Variants in CALN1 observed in about 807,000 individuals in gnomAD.
CALN1 encodes the protein calneuron 1.
In CALN1, 17 loss-of-function variants were observed where a neutral mutation model predicts 30.6. The observed-to-expected ratio is 0.56, with a 90% CI of 0.38 to 0.83. CALN1 has a LOEUF of 0.83. Ranked by LOEUF, CALN1 falls within the 40% of genes least tolerant of loss-of-function variation. CALN1 has a pLI of 0.00. For synonymous variants in CALN1, 156 were observed against 131.4 expected (o/e 1.19, Z -1.28); for missense variants, 291 against 354.9 (o/e 0.82, Z 1.45).
intron 2 of CALN1, among the ~76,000 whole-genome samples, chr7:72,397,821 T>C (rs1202234805): frequency 3.3e-5 from 5 of 151,376 alleles, no homozygotes; most frequent in Admixed American, 2.6e-4. Flanking sequence ...AAAGCTTTTA[T>C]GAGCAAAACA....
In CALN1 at chr7:72,093,673, T is replaced by C. The variant is rs368253215; in HGVS notation, c.388+12478A>G. Among the ~76,000 whole-genome samples, 5 of 152,262 alleles carry C rather than the reference T, an allele frequency of 3.3e-5. No homozygotes were observed. The East Asian group carries it at 7.7e-4, about 24-fold the overall frequency. ...TGGGATGGCTGCTTCTGAACACCCT[T>C]GTAAGAACAAACAAGCTCAGACCTT... On this transcript the variant is annotated intron_variant, in intron 4 of 6. Coordinates refer to ENST00000395275, the MANE Select transcript of CALN1 (RefSeq NM_031468.4).
intron 5 of CALN1, among the ~76,000 whole-genome samples, chr7:72,017,448 C>T (rs528076438): frequency 1.3e-5 from 2 of 152,118 alleles, no homozygotes; most frequent in African/African-American, 2.4e-5. Context: ...AATTGGGGAA[C>T]GAGTACCCTA....
At chr7:72,177,519 C>T (rs1182423613) in intron 3 of CALN1, among the ~76,000 whole-genome samples, 1 of 152,080 alleles carries the variant, frequency 6.6e-6, no homozygotes, top group African/African-American at 2.4e-5. Flanking sequence ...AATCCCAGCA[C>T]TTGGGGAGGC....
chr7:71,991,619 G>A (rs1329010460), intron 5 of CALN1, among the ~76,000 whole-genome samples: 1 of 152,178 alleles, frequency 6.6e-6, no homozygotes, highest in Non-Finnish European at 1.5e-5. Context: ...GCACCAGGCA[G>A]GTTGTACAAA....
chr7:72,424,216 C>T (rs1375044507), intron 1 of CALN1, among the ~76,000 whole-genome samples: 9 of 152,046 alleles, frequency 5.9e-5, no homozygotes, highest in Non-Finnish European at 1.3e-4. Context: ...CTCAATGGAG[C>T]CCCCTTGTTT....
At chr7:72,203,979 CTTTTTTTTT>C (rs869149598) in intron 3 of CALN1, among the ~76,000 whole-genome samples, 5 of 83,808 alleles carry the variant, frequency 6.0e-5, no homozygotes, top group Admixed American at 1.5e-4. Flanking sequence ...AGGCCTCTCT[CTTTTTTTTT>C]TTTTTTTTTT....
intron 2 of CALN1, among the ~76,000 whole-genome samples, chr7:72,294,750 T>TAATA (rs58274123): frequency 0.44 from 64,746 of 147,392 alleles, 15,228 homozygotes; most frequent in South Asian, 0.59. Context: ...TCTAAAAAAG[T>TAATA]AATAAATAAA....
chr7:72,166,868 C>A (rs1256150693), intron 3 of CALN1, among the ~76,000 whole-genome samples: 1 of 152,056 alleles, frequency 6.6e-6, no homozygotes. Context: ...CATGGTGAAA[C>A]CCCATCTCTA....
chr7:72,301,335 G>A (rs556813408), intron 2 of CALN1, among the ~76,000 whole-genome samples: 3 of 151,938 alleles, frequency 2.0e-5, no homozygotes, highest in African/African-American at 7.2e-5. Context: ...AGGCCGGGCT[G>A]GGTGGCTCAC....
intron 3 of CALN1, among the ~76,000 whole-genome samples, chr7:72,199,489 C>T (rs540818422): frequency 5.9e-5 from 9 of 152,176 alleles, no homozygotes; most frequent in South Asian, 4.2e-4. Context: ...GGGCATTGCT[C>T]GAGACCAGGA....
intron 3 of CALN1, among the ~76,000 whole-genome samples, chr7:72,170,351 T>C (rs911551361): frequency 6.6e-6 from 1 of 152,166 alleles, no homozygotes; most frequent in African/African-American, 2.4e-5. Context: ...ATAACTCTGA[T>C]GCTACTTTAG....
intron 2 of CALN1, among the ~76,000 whole-genome samples, chr7:72,285,681 CCA>C (rs551197353): frequency 7.2e-5 from 11 of 152,280 alleles, no homozygotes; most frequent in Non-Finnish European, 1.6e-4. Flanking sequence ...TGGTAATGAA[CCA>C]CAGAGAAAGC....
chr7:72,281,791 A>C (rs1258423133), intron 2 of CALN1, among the ~76,000 whole-genome samples: 1 of 152,154 alleles, frequency 6.6e-6, no homozygotes, highest in Non-Finnish European at 1.5e-5. Flanking sequence ...TCACTACACA[A>C]ATTTTTACAG....
chr7:72,249,328 G>A (rs181159508), intron 3 of CALN1, among the ~76,000 whole-genome samples: 11 of 152,220 alleles, frequency 7.2e-5, no homozygotes, highest in African/African-American at 1.9e-4. Flanking sequence ...AACCATCATC[G>A]CAACACCACC....
At chr7:72,448,856 C>T (rs866442547), upstream of CALN1, among the ~76,000 whole-genome samples, 1 of 152,186 alleles carries the variant, frequency 6.6e-6, no homozygotes. Context: ...CTTCCCCCCT[C>T]GGCCTCCCAA....
rs182583811 is a variant in CALN1 at position 71,796,691 on chromosome 7, G to C, written c.659-8789C>G. On this transcript the variant is annotated intron_variant, in intron 6 of 6. Transcript: ENST00000395275. ...GTTTTTTCAAGGAACTGACCTTTTG[G>C]GGTCTTACTGAATATGTCATGCTGC... 3.4e-4 allele frequency among the ~76,000 whole-genome samples: 51 copies of C among 152,188 alleles called. 1 individual carries two copies. The highest frequency in any genetic ancestry group is 3.8e-4 in the Non-Finnish European group (26 of 68,018).
Position 71,781,454 on chromosome 7 carries a change from T to G in CALN1, c.*6321A>C, listed in dbSNP as rs1170159406. On this transcript the variant is annotated 3_prime_UTR_variant, in exon 7 of 7. Coordinates refer to ENST00000395275, the MANE Select transcript of CALN1 (RefSeq NM_031468.4). The stretch of plus-strand genomic sequence containing the variant: ...CTTGAAATGCACAGAGCCTTTCGTG[T>G]GGATCAGACTGATGGGCAGCCCCAT... 6.6e-6 allele frequency: 1 copy of G among 152,234 alleles called. No individual in the cohort carries two copies. Among genetic ancestry groups the G allele is most frequent in the Non-Finnish European group, 1.5e-5 (1 of 68,048 alleles). The allele number at this position is 152,234 out of a possible 1,614,324, so 9.4% of individuals were successfully genotyped here.
Position 72,137,368 on chromosome 7 carries a change from C to T in CALN1, c.245-31074G>A, listed in dbSNP as rs771509419. Reference sequence around the variant, plus strand: ...AGATGGCGATGCTCCTGCTCTGTCACACAGATCATCCTAACAGATATAATA... The same window carrying T: ...AGATGGCGATGCTCCTGCTCTGTCATACAGATCATCCTAACAGATATAATA... On this transcript the variant is annotated intron_variant, in intron 3 of 6. Coordinates refer to ENST00000395275, the MANE Select transcript of CALN1 (RefSeq NM_031468.4). Among the ~76,000 whole-genome samples the T allele has an allele frequency of 2.0e-5, 3 of 152,146 alleles. No homozygotes were observed. The East Asian group carries it at 5.8e-4, about 29-fold the overall frequency.
At chr7:71,834,253 A>C (rs960622206) in intron 5 of CALN1, among the ~76,000 whole-genome samples, 4 of 142,176 alleles carry the variant, frequency 2.8e-5, no homozygotes, top group African/African-American at 7.6e-5. Flanking sequence ...ACAAAAAAAA[A>C]CTAGTTAAAT....
Sources: gnomAD v4.1 joint callset for allele counts (sites outside exome capture counted in the v4.1 genomes callset) on GRCh38, gnomAD v4.1.1 for gene constraint, MANE v1.5 for transcripts, NCBI Gene and HGNC (gene_info 2026-07-23, HGNC 2026-07-21) for gene names.